The following FAM110B variants were observed in gnomAD, a reference collection of about 807,000 sequenced individuals.
The protein encoded by FAM110B is protein FAM110B.
FAM110B carries 6 observed loss-of-function variants against 20.4 expected under a neutral mutation model. The observed-to-expected ratio is 0.29, with a 90% CI of 0.16 to 0.58. The LOEUF is 0.58. Ranked by LOEUF, FAM110B falls within the 20% of genes least tolerant of loss-of-function variation. FAM110B has a pLI of 0.90. For missense variants in FAM110B, 434 were observed against 498.2 expected (o/e 0.87, Z 1.23); for synonymous variants, 226 against 214.1 (o/e 1.06, Z -0.49).
rs550085142 is a variant in FAM110B, at chr8:58,057,357, A to G, written c.-413-18178A>G. Among the ~76,000 whole-genome samples the G allele has an allele frequency of 2.0e-4, 31 of 152,372 alleles. No homozygotes were observed. The South Asian group carries it at 6.2e-3, about 31-fold the overall frequency. ...CATGGACCTGCTCACTCATGTGTGC[A>G]CAAACACAGGGCACATTTAGGCAGC... On this transcript the variant is annotated intron_variant, in intron 2 of 3. Coordinates refer to ENST00000519262, the MANE Select transcript of FAM110B (RefSeq NM_001377989.1).
chr8:58,135,301 A>G (rs1372925858), intron 3 of FAM110B, among the ~76,000 whole-genome samples: 1 of 152,220 alleles, frequency 6.6e-6, no homozygotes, highest in Non-Finnish European at 1.5e-5. Flanking sequence ...TATGTGCCTA[A>G]TAAGAAATGG....
At chr8:58,113,849 G>A (rs1807127934) in intron 3 of FAM110B, among the ~76,000 whole-genome samples, 1 of 152,222 alleles carries the variant, frequency 6.6e-6, no homozygotes, top group Non-Finnish European at 1.5e-5. Flanking sequence ...AATTGCTTTA[G>A]ATTCATGTCT....
chr8:58,059,852 G>T (rs1805620437), intron 2 of FAM110B, among the ~76,000 whole-genome samples: 1 of 152,030 alleles, frequency 6.6e-6, no homozygotes, highest in African/African-American at 2.4e-5. Flanking sequence ...GTTTGCTCTA[G>T]ATGCTCTATA....
At chr8:58,091,734 T>C (rs536620708) in intron 3 of FAM110B, 2 of 152,328 alleles carry the variant, frequency 1.3e-5, no homozygotes, top group Admixed American at 6.5e-5. Context: ...TCATTTTTAA[T>C]GGTGACCCTG....
chr8:57,996,470 T>C (rs975272090), intron 1 of FAM110B, among the ~76,000 whole-genome samples: 1 of 152,242 alleles, frequency 6.6e-6, no homozygotes, highest in Non-Finnish European at 1.5e-5. Context: ...GTTGGGTTGT[T>C]ATTATGCCTA....
In FAM110B at chr8:58,021,885, T is replaced by C. The variant is rs536547135; in HGVS notation, c.-511-9721T>C. 2.4e-4 allele frequency among the ~76,000 whole-genome samples: 37 copies of C among 152,260 alleles called. 2 individuals carry two copies. The South Asian group carries it at 7.7e-3, about 32-fold the overall frequency. On this transcript the variant is annotated intron_variant, in intron 1 of 3. Transcript: ENST00000519262. ...AGTTCTAGAGAGCATATAGCAGACA[T>C]TAAATATGGAAAGTTCAATCTGCGG...
At position 58,077,553 on chromosome 8, in the gene FAM110B, GACTGGGATGGT is replaced by G. The variant is rs570167709; in HGVS notation, c.-325+1931_-325+1941del. On this transcript the variant is annotated intron_variant, in intron 3 of 3. Coordinates refer to ENST00000519262, the MANE Select transcript of FAM110B (RefSeq NM_001377989.1). ...CGTCTGCTTAGTAACCAGTTGGATG[GACTGGGATGGT>G]TTGCTTTATTTCTGTGAGCCTCAGT... Among the ~76,000 whole-genome samples the G allele has an allele frequency of 1.8e-4, 28 of 152,320 alleles. No homozygotes were observed. The East Asian group carries it at 5.4e-3, about 29-fold the overall frequency.
rs1328736290 is a variant in FAM110B, at chr8:58,148,082, A to G, written c.*739A>G. 1 of 166,438 alleles carries G rather than the reference A, an allele frequency of 6.0e-6. No individual in the cohort carries two copies. Among genetic ancestry groups the G allele is most frequent in the Non-Finnish European group, 1.5e-5 (1 of 68,052 alleles). The allele number at this position is 166,438 out of a possible 1,614,324, so 10.3% of individuals were successfully genotyped here. A position where few individuals can be genotyped will look rare whatever the true frequency, so the allele number is the denominator to read the frequency against. ...TTGTTCTGATTGGGATAATTCAGAAATTCCTAATATTATCTTTCGACAGAA... is the reference window on the plus strand; with the variant it reads ...TTGTTCTGATTGGGATAATTCAGAAGTTCCTAATATTATCTTTCGACAGAA... On this transcript the variant is annotated 3_prime_UTR_variant, in exon 4 of 4. Coordinates refer to ENST00000519262, the MANE Select transcript of FAM110B (RefSeq NM_001377989.1).
intron 2 of FAM110B, among the ~76,000 whole-genome samples, chr8:58,034,809 C>T (rs1195479780): frequency 6.6e-6 from 1 of 152,164 alleles, no homozygotes; most frequent in Non-Finnish European, 1.5e-5. Context: ...GTGCTGGGCG[C>T]ATAGTGCATA....
intron 3 of FAM110B, among the ~76,000 whole-genome samples, chr8:58,111,765 C>G (rs1489097984): frequency 6.6e-6 from 1 of 152,124 alleles, no homozygotes; most frequent in East Asian, 1.9e-4. Flanking sequence ...TGTGCAAACC[C>G]CTCCTTCTCT....
At chr8:58,137,459 G>A (rs964841314) in intron 3 of FAM110B, among the ~76,000 whole-genome samples, 5 of 152,116 alleles carry the variant, frequency 3.3e-5, no homozygotes, top group African/African-American at 1.2e-4. Flanking sequence ...TACTCAGAAG[G>A]CTGAGACAGG....
intron 3 of FAM110B, among the ~76,000 whole-genome samples, chr8:58,100,408 G>C (rs1360194297): frequency 6.6e-6 from 1 of 152,180 alleles, no homozygotes; most frequent in Non-Finnish European, 1.5e-5. Context: ...AAGTTTTCTA[G>C]GCTGCTCTAG....
intron 1 of FAM110B, among the ~76,000 whole-genome samples, chr8:58,005,628 C>T (rs540057928): frequency 6.6e-6 from 1 of 152,282 alleles, no homozygotes; most frequent in East Asian, 1.9e-4. Context: ...ACAGTGGTGT[C>T]GTTGATACCC....
At chr8:58,011,365 C>G (rs754972678) in intron 1 of FAM110B, among the ~76,000 whole-genome samples, 1 of 152,140 alleles carries the variant, frequency 6.6e-6, no homozygotes, top group Non-Finnish European at 1.5e-5. Flanking sequence ...GCTGGCCTTT[C>G]GAGCATCCTT....
At chr8:58,083,101 C>G (rs981798169) in intron 3 of FAM110B, among the ~76,000 whole-genome samples, 2 of 152,074 alleles carry the variant, frequency 1.3e-5, no homozygotes, top group Admixed American at 1.3e-4. Context: ...CTGTACGTTG[C>G]TCATCTATCT....
intron 3 of FAM110B, among the ~76,000 whole-genome samples, chr8:58,093,802 G>T (rs1168499449): frequency 6.6e-6 from 1 of 152,138 alleles, no homozygotes; most frequent in African/African-American, 2.4e-5. Flanking sequence ...ATGGTAGCTT[G>T]ATGGGGATAG....
intron 3 of FAM110B, among the ~76,000 whole-genome samples, chr8:58,125,676 TGA>T (rs1423528416): frequency 2.0e-5 from 3 of 152,216 alleles, no homozygotes; most frequent in Non-Finnish European, 2.9e-5. Flanking sequence ...ATGACAAATG[TGA>T]GAGCCCATTT....
chr8:58,041,878 T>A (rs1805228045), intron 2 of FAM110B, among the ~76,000 whole-genome samples: 1 of 152,238 alleles, frequency 6.6e-6, no homozygotes, highest in Non-Finnish European at 1.5e-5. Context: ...AGCTGACTTC[T>A]GCTGTCAGTC....
At chr8:58,048,609 T>C (rs752964606) in intron 2 of FAM110B, among the ~76,000 whole-genome samples, 3 of 152,264 alleles carry the variant, frequency 2.0e-5, no homozygotes, top group African/African-American at 4.8e-5. Flanking sequence ...TATTGTTTTA[T>C]ATTATGAATT....
Sources: gnomAD v4.1 joint callset for allele counts (sites outside exome capture counted in the v4.1 genomes callset) on GRCh38, gnomAD v4.1.1 for gene constraint, MANE v1.5 for transcripts, NCBI Gene and HGNC (gene_info 2026-07-23, HGNC 2026-07-21) for gene names.